CSDC2: variants seen among roughly 807,000 people sequenced by gnomAD.
The protein encoded by CSDC2 is cold shock domain containing C2.
Under a neutral mutation model 15.8 loss-of-function variants are expected in CSDC2, and 8 were observed. That is an observed-to-expected ratio of 0.51 (90% CI 0.30 to 0.92). The LOEUF (loss-of-function observed/expected upper bound fraction) is 0.92, where lower values mean the gene tolerates loss of function less well. Ranked by LOEUF, CSDC2 falls within the 40% of genes least tolerant of loss-of-function variation. The pLI is 0.07. For missense variants in CSDC2, 195 were observed against 213.3 expected (o/e 0.91, Z 0.53); for synonymous variants, 96 against 92.3 (o/e 1.04, Z -0.23).
At chr22:41,574,335 G>A (rs999923815) in intron 3 of CSDC2, among the ~76,000 whole-genome samples, 4 of 152,140 alleles carry the variant, frequency 2.6e-5, no homozygotes, top group Non-Finnish European at 5.9e-5. Flanking sequence ...GCACAATCTC[G>A]GCTCAGTGCA....
intron 3 of CSDC2, among the ~76,000 whole-genome samples, 176 bp downstream of exon 3, chr22:41,573,953 G>C (rs1198220012): frequency 3.3e-5 from 5 of 152,240 alleles, no homozygotes; most frequent in Middle Eastern, 6.3e-3. Flanking sequence ...GGGCCAGGGA[G>C]GGAGTGGGCA....
rs146340459 is a variant in CSDC2 at position 41,576,004 on chromosome 22, G to C, written c.*1109G>C. 1 of 152,442 alleles carries C rather than the reference G, an allele frequency of 6.6e-6. No homozygotes were observed. The highest frequency in any genetic ancestry group is 1.5e-5 in the Non-Finnish European group (1 of 68,108). The allele number at this position is 152,442 out of a possible 1,614,324, so 9.4% of individuals were successfully genotyped here. On this transcript the variant is annotated 3_prime_UTR_variant, in exon 4 of 4. Coordinates refer to ENST00000306149, the MANE Select transcript of CSDC2 (RefSeq NM_014460.4). ...CAGGGGTGAGGGTGGCCTGGCCCAG[G>C]AGGCCAGGAAGGAGGGCCCTGTCTG...
intron 1 of CSDC2, among the ~76,000 whole-genome samples, chr22:41,566,991 G>C (rs1251260783): frequency 2.6e-5 from 4 of 151,784 alleles, no homozygotes. Context: ...TTTAAACTCA[G>C]GCAGTCTGGG....
At chr22:41,561,670 A>G (rs1288286099) in intron 1 of CSDC2, among the ~76,000 whole-genome samples, 1 of 151,780 alleles carries the variant, frequency 6.6e-6, no homozygotes, top group Non-Finnish European at 1.5e-5. Flanking sequence ...TCTTATCCTG[A>G]CTCTATTTTT....
At chr22:41,568,518 T>A (rs1206063231) in intron 1 of CSDC2, among the ~76,000 whole-genome samples, 2 of 152,198 alleles carry the variant, frequency 1.3e-5, no homozygotes, top group Non-Finnish European at 2.9e-5. Context: ...CTCCTGGGCT[T>A]AAAAGATCCT....
intron 2 of CSDC2, 136 bp from the exon 3 acceptor site, chr22:41,573,519 G>T: frequency 1.0e-6 from 1 of 1,001,768 alleles, no homozygotes; most frequent in Non-Finnish European, 1.5e-6. Context: ...GAATGGGGAT[G>T]ACTGTGTGGT....
Position 41,574,922 on chromosome 22 carries a change from CG to C in CSDC2, c.*32del. 1 of 1,559,614 alleles carries C rather than the reference CG, an allele frequency of 6.4e-7. No individual in the cohort carries two copies. The highest frequency in any genetic ancestry group is 8.7e-7 in the Non-Finnish European group (1 of 1,152,474). Reference sequence around the variant, plus strand: ...CTGAGTGGTTCACAGGCCAGCTGGCCGGGGGTTGGGGAGCCACACAGGGTGA... The same window carrying C: ...CTGAGTGGTTCACAGGCCAGCTGGCCGGGGTTGGGGAGCCACACAGGGTGA... On this transcript the variant is annotated 3_prime_UTR_variant, in exon 4 of 4. Coordinates refer to ENST00000306149, the MANE Select transcript of CSDC2 (RefSeq NM_014460.4).
chr22:41,564,418 G>A (rs2067103227), intron 1 of CSDC2, among the ~76,000 whole-genome samples: 1 of 151,768 alleles, frequency 6.6e-6, no homozygotes, highest in Non-Finnish European at 1.5e-5. Context: ...CTGCCACCAC[G>A]CCCAGTTAAT....
chr22:41,569,887 C>A (rs1247370002), intron 1 of CSDC2, among the ~76,000 whole-genome samples: 3 of 147,792 alleles, frequency 2.0e-5, no homozygotes, highest in Non-Finnish European at 4.4e-5. Flanking sequence ...TGAAGCAATT[C>A]TCATGCCTCA....
chr22:41,562,234 G>T (rs753463827), intron 1 of CSDC2, among the ~76,000 whole-genome samples: 5 of 151,950 alleles, frequency 3.3e-5, no homozygotes, highest in Non-Finnish European at 5.9e-5. Context: ...GCTTTCTGGG[G>T]GATGGGGAAC....
intron 1 of CSDC2, among the ~76,000 whole-genome samples, chr22:41,565,827 T>C (rs9611613): frequency 0.26 from 39,388 of 152,074 alleles, 5,917 homozygotes; most frequent in Admixed American, 0.44. Context: ...AGTCAGTCAT[T>C]TGGGGTCTGG....
chr22:41,564,883 T>C (rs1486039952), intron 1 of CSDC2, among the ~76,000 whole-genome samples: 1 of 152,082 alleles, frequency 6.6e-6, no homozygotes, highest in Non-Finnish European at 1.5e-5. Flanking sequence ...GAGAAGACCA[T>C]ACAGTCAGGC....
chr22:41,564,598 G>T (rs1026477643), intron 1 of CSDC2, among the ~76,000 whole-genome samples: 1 of 152,114 alleles, frequency 6.6e-6, no homozygotes, highest in Non-Finnish European at 1.5e-5. Flanking sequence ...TGTTCCCCCC[G>T]CTGGACTGGG....
intron 2 of CSDC2, 116 bp downstream of exon 2, chr22:41,572,257 C>G (rs140051318): frequency 5.5e-5 from 44 of 803,368 alleles, no homozygotes; most frequent in Non-Finnish European, 7.2e-5. Flanking sequence ...GTGTGTGGAC[C>G]TTCCAGTAAC....
At position 41,571,993 on chromosome 22, in the gene CSDC2, G is replaced by T; in HGVS notation, c.28G>T (p.Val10Phe). Reference sequence around the variant, plus strand: ...GACTTCAGAGTCGACGTCACCCCCAGTTGTGCCCCCGCTCCACTCCCCCAA... The same window carrying T: ...GACTTCAGAGTCGACGTCACCCCCATTTGTGCCCCCGCTCCACTCCCCCAA... MTSESTSPP[V>F]VPPLHSPKSP... Residue 10 changes from valine (V) to phenylalanine (F), a missense_variant, in exon 2 of 4, where the codon GTT (valine) becomes TTT (phenylalanine). Coordinates refer to ENST00000306149, the MANE Select transcript of CSDC2 (RefSeq NM_014460.4). 7.3e-7 allele frequency: 1 copy of T among 1,362,124 alleles called. No individual in the cohort carries two copies. The allele number at this position is 1,362,124 out of a possible 1,614,324, so 84.4% of individuals were successfully genotyped here. A position where few individuals can be genotyped will look rare whatever the true frequency, so the allele number is the denominator to read the frequency against.
At chr22:41,566,159 A>T (rs1313191358) in intron 1 of CSDC2, among the ~76,000 whole-genome samples, 2 of 149,234 alleles carry the variant, frequency 1.3e-5, no homozygotes, top group African/African-American at 5.0e-5. Context: ...AAAAAAAAAA[A>T]AAAAGGCTGG....
At chr22:41,568,930 G>T (rs1263605398) in intron 1 of CSDC2, among the ~76,000 whole-genome samples, 1 of 152,238 alleles carries the variant, frequency 6.6e-6, no homozygotes, top group Non-Finnish European at 1.5e-5. Context: ...GGTCTGGCTG[G>T]CCAGAGCAGG....
At chr22:41,561,400 C>T (rs1157037791) in intron 1 of CSDC2, among the ~76,000 whole-genome samples, 3 of 152,138 alleles carry the variant, frequency 2.0e-5, no homozygotes, top group Non-Finnish European at 4.4e-5. Flanking sequence ...CCCGTGGGAG[C>T]ATGTCTGTGT....
intron 1 of CSDC2, among the ~76,000 whole-genome samples, chr22:41,569,291 T>G (rs2067132983): frequency 6.6e-6 from 1 of 152,242 alleles, no homozygotes; most frequent in Admixed American, 6.5e-5. Flanking sequence ...ATCGTTCATA[T>G]ACCATAAAAT....
Sources: allele counts gnomAD v4.1 joint callset (sites outside exome capture counted in the v4.1 genomes callset), GRCh38; gene constraint gnomAD v4.1.1; transcripts MANE v1.5; gene names NCBI Gene and HGNC (gene_info 2026-07-23, HGNC 2026-07-21).